NMT1: variants seen among roughly 807,000 people sequenced by gnomAD.
NMT1 encodes glycylpeptide N-tetradecanoyltransferase 1.
NMT1 carries 12 observed loss-of-function variants against 63.4 expected under a neutral mutation model. The ratio of observed to expected loss-of-function variants is 0.19; its 90% CI spans 0.12 to 0.31. The LOEUF (loss-of-function observed/expected upper bound fraction) is 0.31. Among genes scored for constraint, NMT1 ranks in the 10% least tolerant of loss-of-function variants. NMT1 has a pLI of 1.00. For synonymous variants in NMT1, 228 were observed against 234.3 expected (o/e 0.97, Z 0.25); for missense variants, 432 against 634.6 (o/e 0.68, Z 3.43).
chr17:45,090,781 C>G (rs1567868256), intron 3 of NMT1, among the ~76,000 whole-genome samples: 3 of 152,154 alleles, frequency 2.0e-5, no homozygotes, highest in Non-Finnish European at 4.4e-5. Flanking sequence ...TCTTTTAAAG[C>G]AAGTTCGAAG....
rs2054205075 is a variant in NMT1, at chr17:45,106,773, G to A, written c.*1134G>A. 6.5e-6 allele frequency: 1 copy of A among 152,716 alleles called. No homozygotes were observed. Among genetic ancestry groups the A allele is most frequent in the Non-Finnish European group, 1.5e-5 (1 of 68,076 alleles). 9.5% of individuals were successfully genotyped at this position (152,716 alleles called of 1,614,324 possible). A position where few individuals can be genotyped will look rare whatever the true frequency, so the allele number is the denominator to read the frequency against. On this transcript the variant is annotated 3_prime_UTR_variant, in exon 12 of 12. Transcript: ENST00000258960. ...CAGCCTGCAAGTGGTAGCAAGAAGT[G>A]ATTAGAGGCAGATCTGGACTTGGCA...
chr17:45,071,994 G>C (rs1229858030), intron 1 of NMT1, among the ~76,000 whole-genome samples: 2 of 152,188 alleles, frequency 1.3e-5, no homozygotes, highest in African/African-American at 4.8e-5. Flanking sequence ...GCTCACATCT[G>C]TAATCCCAGC....
At position 45,105,160 on chromosome 17, in the gene NMT1, G is replaced by A. The variant is rs2054194458; in HGVS notation, c.1470+164G>A. On this transcript the variant is annotated intron_variant, in intron 11 of 11. Transcript: ENST00000258960. This position sits in a 1 kb window ranked among gnomAD's most constrained non-coding sequence, Gnocchi z 4.2. The stretch of plus-strand genomic sequence containing the variant: ...CTCTGCTGGCCAGACCAGCAGGTCA[G>A]CGTTCCCCTCTCAGCAACTGGTGTG... Among the ~76,000 whole-genome samples, 1 of 152,146 alleles carries A rather than the reference G, an allele frequency of 6.6e-6. No individual in the cohort carries two copies. Among genetic ancestry groups the A allele is most frequent in the Non-Finnish European group, 1.5e-5 (1 of 68,026 alleles).
chr17:45,095,222 T>C lies in NMT1; in HGVS notation c.505-972T>C, dbSNP rs1216466502. On this transcript the variant is annotated intron_variant, in intron 4 of 11. Transcript: ENST00000258960. ...CCTGTGTTCAAGCAATTCTCCTGCC[T>C]CAGCCTCCCCAGTGGCTGGGATTAC... Among the ~76,000 whole-genome samples, 3 of 152,004 alleles carry C rather than the reference T, an allele frequency of 2.0e-5. No individual in the cohort carries two copies. In the East Asian group the frequency reaches 5.8e-4, roughly 29 times the overall value.
At chr17:45,077,564 A>G (rs1029895813) in intron 1 of NMT1, among the ~76,000 whole-genome samples, 15 of 152,080 alleles carry the variant, frequency 9.9e-5, no homozygotes, top group Non-Finnish European at 2.9e-5. Context: ...CTAATTTTGT[A>G]TTTTTAGTAG....
In NMT1 at chr17:45,067,020, G is replaced by T. The variant is rs111559024; in HGVS notation, c.131+5560G>T. 1.6e-3 allele frequency among the ~76,000 whole-genome samples: 249 copies of T among 152,244 alleles called. 1 individual carries two copies. Among genetic ancestry groups the T allele is most frequent in the African/African-American group, 5.7e-3 (235 of 41,548 alleles). On this transcript the variant is annotated intron_variant, in intron 1 of 11. Transcript: ENST00000258960. ...TGGGCATAAGCTCCTGCATCCAGCT[G>T]GTTTTGTTTGTTTTTTTACTGCACT...
At position 45,105,099 on chromosome 17, in the gene NMT1, T is replaced by A; in HGVS notation, c.1470+103T>A. The A allele has an allele frequency of 1.4e-6, 2 of 1,470,748 alleles. No homozygotes were observed. Among genetic ancestry groups the A allele is most frequent in the South Asian group, 2.4e-5 (2 of 82,546 alleles). The allele number at this position is 1,470,748 out of a possible 1,614,324, so 91.1% of individuals were successfully genotyped here. A position where few individuals can be genotyped will look rare whatever the true frequency, so the allele number is the denominator to read the frequency against. On this transcript the variant is annotated intron_variant, in intron 11 of 11. Coordinates refer to ENST00000258960, the MANE Select transcript of NMT1 (RefSeq NM_021079.5). The surrounding 1 kb of genome is among the most constrained non-coding windows in gnomAD (Gnocchi z 4.2). ...GAGGAGACAGCCGCAGTCTGGGTCC[T>A]TGTTACCTCGAGTTGAACCTTTGAA...
At chr17:45,070,733 A>G (rs559978164) in intron 1 of NMT1, among the ~76,000 whole-genome samples, 8 of 152,188 alleles carry the variant, frequency 5.3e-5, no homozygotes, top group Admixed American at 3.9e-4. Flanking sequence ...TGTAATTTTT[A>G]GTAGAGAAGG....
chr17:45,099,997 C>T (rs1468348018), intron 8 of NMT1, among the ~76,000 whole-genome samples: 2 of 152,150 alleles, frequency 1.3e-5, no homozygotes, highest in African/African-American at 4.8e-5. Flanking sequence ...ACTGGGCAAC[C>T]TTAAAGTGAG....
chr17:45,082,180 C>T (rs1052246994), intron 2 of NMT1, among the ~76,000 whole-genome samples: 35 of 152,078 alleles, frequency 2.3e-4, no homozygotes, highest in Non-Finnish European at 1.5e-5. Context: ...GATTATAGCT[C>T]ACTGCAGCCT....
At chr17:45,088,650 A>C (rs1451786257) in intron 3 of NMT1, among the ~76,000 whole-genome samples, 2 of 152,108 alleles carry the variant, frequency 1.3e-5, no homozygotes, top group Non-Finnish European at 2.9e-5. Context: ...GCTACTTGAG[A>C]GTCTGAGGTG....
intron 1 of NMT1, among the ~76,000 whole-genome samples, chr17:45,081,229 G>A (rs1211435634): frequency 6.6e-6 from 1 of 152,226 alleles, no homozygotes; most frequent in African/African-American, 2.4e-5. Context: ...GAGGAAGGAA[G>A]GGCAAAGCAT....
At chr17:45,080,899 T>C (rs993298709) in intron 1 of NMT1, among the ~76,000 whole-genome samples, 8 of 152,306 alleles carry the variant, frequency 5.3e-5, no homozygotes, top group Non-Finnish European at 1.2e-4. Context: ...CCTGAGTAGC[T>C]GGGACTACAG....
At chr17:45,089,637 G>A (rs1332932719) in intron 3 of NMT1, among the ~76,000 whole-genome samples, 1 of 148,886 alleles carries the variant, frequency 6.7e-6, no homozygotes, top group African/African-American at 2.5e-5. Flanking sequence ...ACCGCACCCG[G>A]CCCTCTCTTT....
intron 1 of NMT1, among the ~76,000 whole-genome samples, chr17:45,079,305 T>C (rs543668322): frequency 7.9e-5 from 12 of 152,106 alleles, no homozygotes; most frequent in Non-Finnish European, 1.3e-4. Context: ...GGTTTCACCA[T>C]GTGGGTCAGG....
At chr17:45,082,373 C>G (rs1197611133) in intron 2 of NMT1, among the ~76,000 whole-genome samples, 1 of 152,090 alleles carries the variant, frequency 6.6e-6, no homozygotes, top group African/African-American at 2.4e-5. Context: ...GCCCTAGCCT[C>G]CCAAAGTGCT....
chr17:45,081,388 C>A (rs1445035263), intron 1 of NMT1, among the ~76,000 whole-genome samples: 2 of 152,184 alleles, frequency 1.3e-5, no homozygotes, highest in Non-Finnish European at 2.9e-5. Context: ...AACATAAAAG[C>A]AAGAACGGAA....
At chr17:45,099,675 T>C in intron 8 of NMT1, 162 bp downstream of exon 8, 1 of 598,140 alleles carries the variant, frequency 1.7e-6, no homozygotes, top group South Asian at 2.0e-5. Flanking sequence ...ATTTCTGTTA[T>C]CTGAAGCAGG....
At chr17:45,090,844 A>G (rs2054082898) in intron 3 of NMT1, among the ~76,000 whole-genome samples, 1 of 152,066 alleles carries the variant, frequency 6.6e-6, no homozygotes, top group African/African-American at 2.4e-5. Flanking sequence ...AATCAGCTGC[A>G]TTCTTGCTGT....
Sources: allele counts gnomAD v4.1 joint callset (sites outside exome capture counted in the v4.1 genomes callset), GRCh38; gene constraint gnomAD v4.1.1; non-coding constraint Gnocchi (gnomAD v3.1); transcripts MANE v1.5; gene names NCBI Gene and HGNC (gene_info 2026-07-23, HGNC 2026-07-21).